Variants in HDAC4 observed in about 807,000 individuals in gnomAD.
The protein encoded by HDAC4 is histone deacetylase A.
In HDAC4, 16 loss-of-function variants were observed where a neutral mutation model predicts 135.1. The ratio of observed to expected loss-of-function variants is 0.12; its 90% CI spans 0.08 to 0.18. The LOEUF is 0.18. HDAC4 is among the 10% of genes least tolerant of loss of function. The pLI is 1.00. For synonymous variants in HDAC4, 685 were observed against 653.4 expected, an observed-to-expected ratio of 1.05 and a Z score of -0.74; for missense variants, 1,143 against 1,511.8, an observed-to-expected ratio of 0.76 and a Z score of 4.05.
chr2:239,214,671 G>A (rs572359600), intron 3 of HDAC4, among the ~76,000 whole-genome samples: 120 of 152,376 alleles, frequency 7.9e-4, no homozygotes, highest in African/African-American at 2.7e-3. Flanking sequence ...CTCAGCACAC[G>A]TGTTGATAGC....
chr2:239,071,381 C>T (rs992638084), intron 22 of HDAC4, among the ~76,000 whole-genome samples: 1 of 152,186 alleles, frequency 6.6e-6, no homozygotes, highest in East Asian at 1.9e-4. Flanking sequence ...TGCCACTGAA[C>T]TCCGGCCTGG....
intron 12 of HDAC4, among the ~76,000 whole-genome samples, chr2:239,125,072 T>C (rs2040079202): frequency 6.6e-6 from 1 of 152,194 alleles, no homozygotes; most frequent in Admixed American, 6.5e-5. Flanking sequence ...GCTGTTCCCA[T>C]GTAATGTGGC....
At position 239,134,263 on chromosome 2, in the gene HDAC4, G is replaced by T. The variant is rs1306457699; in HGVS notation, c.1276C>A (p.Gln426Lys). The T allele has an allele frequency of 6.2e-7, 1 of 1,611,952 alleles. No homozygotes were observed. Residue 426 changes from glutamine to lysine, a missense_variant, in exon 11 of 27, where the codon CAA becomes AAA. Physicochemically the swap from Gln to Lys is moderately conservative, Grantham distance 53. Transcript: ENST00000543185. The stretch of plus-strand genomic sequence containing the variant: ...TGCTCACCTGTGACGAGGGGTGCTT[G>T]TGCCGGCGGCTGCTCCAGTAAGACC... ...HMVLLEQPPA[Q>K]APLVTDWYLS...
chr2:239,162,201 G>A (rs571212272), intron 6 of HDAC4: 78 of 456,718 alleles, frequency 1.7e-4, no homozygotes, highest in South Asian at 3.3e-4. Context: ...AGGGCTGCCC[G>A]TGCTTGCCCC....
chr2:239,337,618 C>T (rs1692023856), intron 2 of HDAC4, among the ~76,000 whole-genome samples: 1 of 152,174 alleles, frequency 6.6e-6, no homozygotes, highest in East Asian at 1.9e-4. Flanking sequence ...TCTTCCTTTC[C>T]TCTGAGCTCC....
At chr2:239,160,305 C>T (rs2042709954) in intron 6 of HDAC4, among the ~76,000 whole-genome samples, 1 of 152,172 alleles carries the variant, frequency 6.6e-6, no homozygotes, top group Non-Finnish European at 1.5e-5. Context: ...TCTGAAATTC[C>T]ATGCTCTGCA....
At position 239,273,024 on chromosome 2, in the gene HDAC4, G is replaced by T. The variant is rs535047986; in HGVS notation, c.23-36360C>A. Among the ~76,000 whole-genome samples the T allele has an allele frequency of 3.9e-5, 6 of 152,242 alleles. No individual in the cohort carries two copies. In the East Asian group the frequency reaches 7.7e-4, roughly 20 times the overall value. ...AAGGATAAATGATACCCCACACAGG[G>T]TCTACATCCTCATTCCCGGAACCTA... On this transcript the variant is annotated intron_variant, in intron 2 of 26. Transcript: ENST00000543185.
chr2:239,173,721 CT>C (rs1467604763), intron 5 of HDAC4, among the ~76,000 whole-genome samples: 2 of 152,252 alleles, frequency 1.3e-5, no homozygotes, highest in East Asian at 3.9e-4. Context: ...AAGAGGCAAT[CT>C]TCTCATTATT....
At chr2:239,374,704 A>C (rs1164663160) in intron 1 of HDAC4, among the ~76,000 whole-genome samples, 1 of 152,238 alleles carries the variant, frequency 6.6e-6, no homozygotes, top group Non-Finnish European at 1.5e-5. Context: ...CGCCCGGCCA[A>C]CAAGGCTTTA....
At position 239,286,010 on chromosome 2, in the gene HDAC4, G is replaced by A. The variant is rs894384085; in HGVS notation, c.23-49346C>T. Among the ~76,000 whole-genome samples the A allele has an allele frequency of 2.6e-5, 4 of 152,002 alleles. No homozygotes were observed. The East Asian group carries it at 7.7e-4, about 29-fold the overall frequency. ...CCAACACAGAAAGAAGTGAAAAAAG[G>A]CAGCAAACACATCAAAAGACAGTCA... On this transcript the variant is annotated intron_variant, in intron 2 of 26. Coordinates refer to ENST00000543185, the MANE Select transcript of HDAC4 (RefSeq NM_001378414.1).
chr2:239,202,285 C>T (rs1007775596), intron 3 of HDAC4, among the ~76,000 whole-genome samples: 2 of 152,174 alleles, frequency 1.3e-5, no homozygotes, highest in Non-Finnish European at 2.9e-5. Flanking sequence ...TAATCTCCAC[C>T]CAGAATCTCC....
intron 17 of HDAC4, chr2:239,094,313 T>C (rs2291187): frequency 0.11 from 105,443 of 985,360 alleles, 5,855 homozygotes; most frequent in Admixed American, 0.16. Flanking sequence ...AGAAGTTTGA[T>C]TGCAAGACCT....
chr2:239,275,816 G>A (rs1477211172), intron 2 of HDAC4, among the ~76,000 whole-genome samples: 1 of 152,160 alleles, frequency 6.6e-6, no homozygotes, highest in African/African-American at 2.4e-5. Context: ...ACAGGGAGGG[G>A]AAGACACCCA....
At chr2:239,104,991 G>A (rs961706392) in intron 15 of HDAC4, among the ~76,000 whole-genome samples, 4 of 152,210 alleles carry the variant, frequency 2.6e-5, no homozygotes, top group Admixed American at 6.5e-5. Flanking sequence ...GCAAGGGCTC[G>A]GGCTGTGCGT....
intron 3 of HDAC4, among the ~76,000 whole-genome samples, chr2:239,229,777 G>C (rs183436488): frequency 6.6e-6 from 1 of 152,202 alleles, no homozygotes; most frequent in East Asian, 1.9e-4. Flanking sequence ...GGAGATTCTC[G>C]TTATGTGGAT....
chr2:239,198,545 T>C (rs1013884570), intron 3 of HDAC4, among the ~76,000 whole-genome samples: 2 of 152,162 alleles, frequency 1.3e-5, no homozygotes, highest in African/African-American at 4.8e-5. Flanking sequence ...CTTGCTCCTG[T>C]CCCCATGCAG....
intron 1 of HDAC4, among the ~76,000 whole-genome samples, chr2:239,374,549 G>A (rs1224634365): frequency 3.3e-5 from 5 of 149,302 alleles, no homozygotes; most frequent in South Asian, 2.1e-4. Context: ...GACTACAGGC[G>A]CCCGCCACTA....
intron 3 of HDAC4, among the ~76,000 whole-genome samples, chr2:239,232,409 T>C (rs893561466): frequency 3.9e-5 from 6 of 152,244 alleles, no homozygotes; most frequent in African/African-American, 1.4e-4. Context: ...AGTCAATGGC[T>C]CTGTTTGCTC....
intron 17 of HDAC4, among the ~76,000 whole-genome samples, chr2:239,093,594 TG>T (rs1486540159): frequency 6.6e-6 from 1 of 152,230 alleles, no homozygotes; most frequent in African/African-American, 2.4e-5. Context: ...CGGCCTGCAC[TG>T]TTCCCTGCCC....
Sources: allele counts gnomAD v4.1 joint callset (sites outside exome capture counted in the v4.1 genomes callset), GRCh38; gene constraint gnomAD v4.1.1; transcripts MANE v1.5; gene names NCBI Gene and HGNC (gene_info 2026-07-23, HGNC 2026-07-21).